PPP3CA: variants seen among roughly 807,000 people sequenced by gnomAD.
The protein encoded by PPP3CA is CAM-PRP catalytic subunit.
A neutral mutation model predicts 66.5 loss-of-function variants in PPP3CA; 14 were observed. The observed-to-expected ratio is 0.21, with a 90% CI of 0.14 to 0.33. The LOEUF (loss-of-function observed/expected upper bound fraction) is 0.33, where lower values mean the gene tolerates loss of function less well. PPP3CA is among the 10% of genes least tolerant of loss of function. The pLI, the probability that PPP3CA is intolerant of heterozygous loss-of-function variation, is 1.00. For missense variants in PPP3CA, 317 were observed against 639.5 expected, an observed-to-expected ratio of 0.50 and a Z score of 5.44; for synonymous variants, 232 against 226.2, an observed-to-expected ratio of 1.03 and a Z score of -0.23.
chr4:101,256,303 T>A (rs1227795441), intron 1 of PPP3CA, among the ~76,000 whole-genome samples: 2 of 151,978 alleles, frequency 1.3e-5, no homozygotes, highest in African/African-American at 4.8e-5. Context: ...AAAAAGGATG[T>A]TGTCTTTTGG....
chr4:101,282,832 T>C (rs1424595918), intron 1 of PPP3CA, among the ~76,000 whole-genome samples: 1 of 152,158 alleles, frequency 6.6e-6, no homozygotes, highest in Non-Finnish European at 1.5e-5. Flanking sequence ...GTCCCCAACA[T>C]ATTTAGCATG....
At chr4:101,304,021 A>C (rs1168661122) in intron 1 of PPP3CA, among the ~76,000 whole-genome samples, 1 of 151,998 alleles carries the variant, frequency 6.6e-6, no homozygotes, top group Admixed American at 6.6e-5. Context: ...CCTTCTTTTC[A>C]CCATATTTGT....
chr4:101,232,222 CT>C (rs1269986855), intron 1 of PPP3CA, among the ~76,000 whole-genome samples: 2 of 151,568 alleles, frequency 1.3e-5, no homozygotes, highest in African/African-American at 4.8e-5. Context: ...AAAAAAATTG[CT>C]GTCAGTATAT....
At chr4:101,147,456 T>G (rs995441973) in intron 2 of PPP3CA, among the ~76,000 whole-genome samples, 5 of 152,098 alleles carry the variant, frequency 3.3e-5, no homozygotes, top group African/African-American at 1.2e-4. Context: ...TCTGAGAATA[T>G]CAAAGGGTAC....
chr4:101,243,655 A>T (rs1172049538), intron 1 of PPP3CA, among the ~76,000 whole-genome samples: 2 of 152,166 alleles, frequency 1.3e-5, no homozygotes, highest in Non-Finnish European at 2.9e-5. Flanking sequence ...ATACTACCCC[A>T]TTTTATATAA....
chr4:101,231,741 T>C (rs1167098115), intron 1 of PPP3CA, among the ~76,000 whole-genome samples: 1 of 151,810 alleles, frequency 6.6e-6, no homozygotes, highest in African/African-American at 2.4e-5. Flanking sequence ...AAATGTATGT[T>C]AGTGATTTCT....
At chr4:101,296,529 T>G (rs1728206373) in intron 1 of PPP3CA, among the ~76,000 whole-genome samples, 1 of 152,150 alleles carries the variant, frequency 6.6e-6, no homozygotes, top group African/African-American at 2.4e-5. Context: ...CTTTTTTGCT[T>G]TAAGCTGAAC....
chr4:101,032,242 C>G, intron 12 of PPP3CA, 25 bp downstream of exon 12: 1 of 1,541,192 alleles, frequency 6.5e-7, no homozygotes, highest in Non-Finnish European at 8.8e-7. Context: ...CCCCAGCACA[C>G]AGTCATACCC....
At chr4:101,106,429 GAAAGAAAGA>G (rs1730701233) in intron 3 of PPP3CA, among the ~76,000 whole-genome samples, 1 of 11,046 alleles carries the variant, frequency 9.1e-5, no homozygotes, top group African/African-American at 3.0e-4. Context: ...AAGAAAGAAA[GAAAGAAAGA>G]AAGAAAGAAA....
intron 1 of PPP3CA, among the ~76,000 whole-genome samples, chr4:101,251,163 T>C (rs1055787624): frequency 6.6e-6 from 1 of 151,870 alleles, no homozygotes; most frequent in Non-Finnish European, 1.5e-5. Context: ...GCTCATAAAA[T>C]TATATCATAT....
At chr4:101,046,585 T>C (rs964579200) in intron 10 of PPP3CA, among the ~76,000 whole-genome samples, 4 of 152,134 alleles carry the variant, frequency 2.6e-5, no homozygotes, top group African/African-American at 9.6e-5. Flanking sequence ...ATTTTGCTGG[T>C]AGACTTCAAA....
At chr4:101,074,939 C>A (rs182458487) in intron 8 of PPP3CA, among the ~76,000 whole-genome samples, 1 of 152,246 alleles carries the variant, frequency 6.6e-6, no homozygotes, top group African/African-American at 2.4e-5. Context: ...GGACTCACAG[C>A]TCCACATGGC....
At chr4:101,213,320 C>T (rs528775885) in intron 1 of PPP3CA, among the ~76,000 whole-genome samples, 2 of 152,202 alleles carry the variant, frequency 1.3e-5, no homozygotes, top group South Asian at 2.1e-4. Flanking sequence ...TATCCTTTAA[C>T]CTATAATGCA....
chr4:101,346,200 G>A (rs1229680782), intron 1 of PPP3CA, among the ~76,000 whole-genome samples: 2 of 152,100 alleles, frequency 1.3e-5, no homozygotes, highest in East Asian at 1.9e-4. Flanking sequence ...AGGGGGAGGG[G>A]GAGGGGGGCG....
chr4:101,026,601 C>T (rs1390622928), intron 13 of PPP3CA, among the ~76,000 whole-genome samples: 2 of 152,066 alleles, frequency 1.3e-5, no homozygotes. Context: ...CATTTCCATG[C>T]CATCTCAGAA....
intron 3 of PPP3CA, among the ~76,000 whole-genome samples, chr4:101,101,330 A>G (rs1339459196): frequency 6.6e-6 from 1 of 152,154 alleles, no homozygotes; most frequent in Non-Finnish European, 1.5e-5. Flanking sequence ...TGTTTCAATA[A>G]AAAGAGTTTG....
chr4:101,218,381 C>A (rs1283084292), intron 1 of PPP3CA, among the ~76,000 whole-genome samples: 1 of 152,054 alleles, frequency 6.6e-6, no homozygotes, highest in African/African-American at 2.4e-5. Flanking sequence ...CCATTAAAAA[C>A]CCGTTAAAAA....
intron 8 of PPP3CA, among the ~76,000 whole-genome samples, chr4:101,068,696 C>T (rs1728785542): frequency 6.6e-6 from 1 of 152,048 alleles, no homozygotes; most frequent in African/African-American, 2.4e-5. Context: ...CTTCCACCTC[C>T]TTTTTTTCCC....
chr4:101,180,638 G>C (rs1724205444), intron 2 of PPP3CA, among the ~76,000 whole-genome samples: 1 of 152,058 alleles, frequency 6.6e-6, no homozygotes, highest in Admixed American at 6.6e-5. Flanking sequence ...CCTGGTAATA[G>C]AGAATTCACC....
Sources: gnomAD v4.1 joint callset for allele counts (sites outside exome capture counted in the v4.1 genomes callset) on GRCh38, gnomAD v4.1.1 for gene constraint, MANE v1.5 for transcripts, NCBI Gene and HGNC (gene_info 2026-07-23, HGNC 2026-07-21) for gene names.